PARD3B: variants seen among roughly 807,000 people sequenced by gnomAD.
PARD3B encodes par-3 family cell polarity regulator beta.
PARD3B carries 103 observed loss-of-function variants against 130.2 expected under a neutral mutation model. The ratio of observed to expected loss-of-function variants is 0.79; its 90% confidence interval spans 0.67 to 0.93. The LOEUF (loss-of-function observed/expected upper bound fraction) is 0.93. PARD3B is among the 40% of genes least tolerant of loss of function. The pLI is 0.00. For synonymous variants in PARD3B, 583 were observed against 553.2 expected (o/e 1.05, Z -0.76); for missense variants, 1,609 against 1,499.2 (o/e 1.07, Z -1.21).
chr2:204,897,180 G>A (rs1265602125), intron 2 of PARD3B, among the ~76,000 whole-genome samples: 1 of 151,948 alleles, frequency 6.6e-6, no homozygotes, highest in African/African-American at 2.4e-5. Flanking sequence ...TTCTATAAGG[G>A]CTTAGACATA....
At chr2:205,195,793 GACCTGGAAA>G (rs1185089580) in intron 15 of PARD3B, among the ~76,000 whole-genome samples, 2 of 150,330 alleles carry the variant, frequency 1.3e-5, no homozygotes, top group Non-Finnish European at 3.0e-5. Context: ...GTCTATTTTT[GACCTGGAAA>G]ACCAGCATTT....
intron 14 of PARD3B, among the ~76,000 whole-genome samples, chr2:205,190,257 A>G (rs2125798245): frequency 6.6e-6 from 1 of 152,324 alleles, no homozygotes; most frequent in African/African-American, 2.4e-5. Flanking sequence ...AGGATAAACT[A>G]AGACAATGAG....
intron 2 of PARD3B, among the ~76,000 whole-genome samples, chr2:204,750,288 T>C (rs1206915089): frequency 6.6e-6 from 1 of 152,150 alleles, no homozygotes; most frequent in Non-Finnish European, 1.5e-5. Flanking sequence ...TTCTTTAAAA[T>C]ATTCATAGTG....
intron 2 of PARD3B, among the ~76,000 whole-genome samples, chr2:204,879,733 A>T (rs2125666093): frequency 6.6e-6 from 1 of 152,290 alleles, no homozygotes; most frequent in African/African-American, 2.4e-5. Flanking sequence ...GCCTTAAAAG[A>T]TTGGGGAATT....
chr2:204,853,567 A>G (rs765642107), intron 2 of PARD3B, among the ~76,000 whole-genome samples: 2 of 152,236 alleles, frequency 1.3e-5, no homozygotes, highest in African/African-American at 4.8e-5. Flanking sequence ...GGAACTTCTT[A>G]TATACACAAG....
At chr2:204,749,420 C>A (rs927952957) in intron 2 of PARD3B, among the ~76,000 whole-genome samples, 3 of 152,044 alleles carry the variant, frequency 2.0e-5, no homozygotes, top group Non-Finnish European at 4.4e-5. Flanking sequence ...TAGGATATCT[C>A]ACAATATTAG....
At chr2:205,110,958 A>G (rs1319233579) in intron 5 of PARD3B, among the ~76,000 whole-genome samples, 2 of 152,142 alleles carry the variant, frequency 1.3e-5, no homozygotes, top group Non-Finnish European at 2.9e-5. Context: ...GAGTGCATAT[A>G]TAGAGATCTC....
rs544887969 is a variant in PARD3B at position 205,208,486 on chromosome 2, A to G, written c.2140+15166A>G. ...TAGAAAACCCCATTGTCTCAGGCCA[A>G]AATCTCCTTAAGCTGATAAGCAACT... On this transcript the variant is annotated intron_variant, in intron 15 of 22. Transcript: ENST00000406610. Among the ~76,000 whole-genome samples the G allele has an allele frequency of 2.0e-3, 298 of 145,532 alleles. 18 individuals are homozygous for G. Among genetic ancestry groups the G allele is most frequent in the African/African-American group, 7.7e-3 (287 of 37,514 alleles).
rs140782847 is a variant in PARD3B at position 204,961,081 on chromosome 2, G to A, written c.223-4071G>A. Among the ~76,000 whole-genome samples, 852 of 152,244 alleles carry A rather than the reference G, an allele frequency of 5.6e-3. 37 individuals are homozygous for A. The highest frequency in any genetic ancestry group is 0.051 in the Admixed American group (776 of 15,282). On this transcript the variant is annotated intron_variant, in intron 2 of 22. Coordinates refer to ENST00000406610, the MANE Select transcript of PARD3B (RefSeq NM_001302769.2). ...AGGGGCGGGATCAGCAGAACACGAC[G>A]TCAGAAATGGAACAGGAGCAAGTGA...
intron 2 of PARD3B, among the ~76,000 whole-genome samples, chr2:204,861,773 A>T (rs1575155784): frequency 6.6e-6 from 1 of 152,090 alleles, no homozygotes. Flanking sequence ...AGAGGGAAGC[A>T]TGCAGATAAA....
At chr2:204,658,902 A>G (rs1029323932) in intron 1 of PARD3B, among the ~76,000 whole-genome samples, 1 of 152,156 alleles carries the variant, frequency 6.6e-6, no homozygotes, top group African/African-American at 2.4e-5. Context: ...ATCAATCCCC[A>G]TCATCGTTGC....
At chr2:205,199,079 C>CT (rs2036848442) in intron 15 of PARD3B, among the ~76,000 whole-genome samples, 1 of 152,064 alleles carries the variant, frequency 6.6e-6, no homozygotes, top group Non-Finnish European at 1.5e-5. Context: ...CAGCTATATA[C>CT]TTTAAGCTCT....
At chr2:204,626,280 C>T (rs2034484334) in intron 1 of PARD3B, among the ~76,000 whole-genome samples, 1 of 152,026 alleles carries the variant, frequency 6.6e-6, no homozygotes, top group Non-Finnish European at 1.5e-5. Context: ...TACTCTTTTC[C>T]CCTCAAAGTA....
intron 3 of PARD3B, among the ~76,000 whole-genome samples, chr2:204,968,518 G>A (rs1159335167): frequency 6.6e-6 from 1 of 152,022 alleles, no homozygotes; most frequent in Non-Finnish European, 1.5e-5. Flanking sequence ...TTTATTGCTG[G>A]CCAGTCTTTC....
At chr2:205,161,548 G>A (rs1430376805) in intron 11 of PARD3B, among the ~76,000 whole-genome samples, 4 of 152,188 alleles carry the variant, frequency 2.6e-5, no homozygotes, top group Non-Finnish European at 4.4e-5. Flanking sequence ...TTCTCCTACT[G>A]TTGTTCCAGT....
At chr2:204,638,334 A>G (rs2034957322) in intron 1 of PARD3B, among the ~76,000 whole-genome samples, 1 of 152,214 alleles carries the variant, frequency 6.6e-6, no homozygotes, top group Non-Finnish European at 1.5e-5. Context: ...AAGCGATTTC[A>G]TAGATATCAT....
intron 18 of PARD3B, among the ~76,000 whole-genome samples, chr2:205,335,029 C>A (rs1344677298): frequency 6.6e-6 from 1 of 152,168 alleles, no homozygotes; most frequent in East Asian, 1.9e-4. Flanking sequence ...CTTTTAAAGG[C>A]AAGAGTATCT....
At chr2:205,216,349 G>T (rs1475250563) in intron 15 of PARD3B, among the ~76,000 whole-genome samples, 1 of 152,108 alleles carries the variant, frequency 6.6e-6, no homozygotes, top group East Asian at 1.9e-4. Context: ...ACCTATCTCA[G>T]TCATCTAGTG....
At chr2:205,386,758 G>A (rs2045675259) in intron 18 of PARD3B, among the ~76,000 whole-genome samples, 1 of 151,754 alleles carries the variant, frequency 6.6e-6, no homozygotes, top group Non-Finnish European at 1.5e-5. Context: ...TTTGTGCTGA[G>A]TTGAGGGGTT....
Sources: gnomAD v4.1 joint callset for allele counts (sites outside exome capture counted in the v4.1 genomes callset) on GRCh38, gnomAD v4.1.1 for gene constraint, MANE v1.5 for transcripts, NCBI Gene and HGNC (gene_info 2026-07-23, HGNC 2026-07-21) for gene names.